ADAM32: variants seen among roughly 807,000 people sequenced by gnomAD.
ADAM32 encodes the protein disintegrin and metalloproteinase domain-containing protein 32.
In ADAM32, 89 loss-of-function variants were observed where a neutral mutation model predicts 114.9. That is an observed-to-expected ratio of 0.77 (90% CI 0.65 to 0.92). The LOEUF (loss-of-function observed/expected upper bound fraction) is 0.92. Ranked by LOEUF, ADAM32 falls within the 40% of genes least tolerant of loss-of-function variation. The probability of loss-of-function intolerance (pLI) is 0.00; values close to 1 mark genes in which losing one functional copy is unlikely to be tolerated. For synonymous variants in ADAM32, 285 were observed against 307.5 expected (o/e 0.93, Z 0.77); for missense variants, 870 against 932.8 (o/e 0.93, Z 0.88).
chr8:39,277,545 G>A (rs12679074), intron 22 of ADAM32, among the ~76,000 whole-genome samples: 32,055 of 152,074 alleles, frequency 0.21, 3,690 homozygotes, highest in East Asian at 0.29. Context: ...GGGGTGCCTC[G>A]TTTACTCAGC....
At chr8:39,237,385 TGCAAATATGA>T (rs1418898159) in intron 16 of ADAM32, among the ~76,000 whole-genome samples, 2 of 148,960 alleles carry the variant, frequency 1.3e-5, no homozygotes, top group Non-Finnish European at 3.0e-5. Context: ...GAACAAGAAG[TGCAAATATGA>T]GCACAGAAGC....
chr8:39,283,458 G>A (rs1204110413), intron 23 of ADAM32, 128 bp from the exon 24 acceptor site: 4 of 610,952 alleles, frequency 6.5e-6, no homozygotes, highest in African/African-American at 2.0e-5. Flanking sequence ...TAGAAATTTG[G>A]CAAATATTTC....
intron 23 of ADAM32, among the ~76,000 whole-genome samples, chr8:39,283,220 C>T (rs1315003205): frequency 1.3e-5 from 2 of 151,808 alleles, no homozygotes; most frequent in Non-Finnish European, 2.9e-5. Context: ...CAAGCCTGGG[C>T]AGCAAAGTGA....
intron 11 of ADAM32, among the ~76,000 whole-genome samples, chr8:39,202,033 A>G (rs901817904): frequency 6.6e-6 from 1 of 152,154 alleles, no homozygotes; most frequent in African/African-American, 2.4e-5. Context: ...GTTTGCCAGT[A>G]TTTTATTGAG....
At chr8:39,136,155 A>G (rs1384223417) in intron 2 of ADAM32, among the ~76,000 whole-genome samples, 1 of 152,210 alleles carries the variant, frequency 6.6e-6, no homozygotes, top group Non-Finnish European at 1.5e-5. Context: ...ATTGTCATCC[A>G]TATTCTAACT....
At chr8:39,170,110 T>C (rs1805099456) in intron 10 of ADAM32, 113 bp downstream of exon 10, 1 of 795,400 alleles carries the variant, frequency 1.3e-6, no homozygotes, top group Non-Finnish European at 1.9e-6. Flanking sequence ...GATTGCATTT[T>C]TTTCCATTAC....
At chr8:39,108,324 C>T (rs1840013536) in intron 1 of ADAM32, 1 of 152,120 alleles carries the variant, frequency 6.6e-6, no homozygotes, top group African/African-American at 2.4e-5. Context: ...GACCGAGTCC[C>T]TTCTGTCGCC....
At chr8:39,149,958 G>T in intron 5 of ADAM32, 91 bp downstream of exon 5, 1 of 1,011,974 alleles carries the variant, frequency 9.9e-7, no homozygotes. Flanking sequence ...GGGGTTGAAG[G>T]AGCTTTCCTA....
chr8:39,206,814 G>A (rs1027571411), intron 11 of ADAM32, among the ~76,000 whole-genome samples: 6 of 152,064 alleles, frequency 3.9e-5, no homozygotes, highest in African/African-American at 1.4e-4. Context: ...TGGAGATGCT[G>A]GAACTGTTGG....
At chr8:39,279,255 G>A (rs1356023659) in intron 22 of ADAM32, among the ~76,000 whole-genome samples, 1 of 151,994 alleles carries the variant, frequency 6.6e-6, no homozygotes, top group East Asian at 1.9e-4. Context: ...ATATTTAGGA[G>A]GGTCTTCTCA....
At chr8:39,278,281 G>A (rs1441062323) in intron 22 of ADAM32, among the ~76,000 whole-genome samples, 1 of 152,148 alleles carries the variant, frequency 6.6e-6, no homozygotes, top group African/African-American at 2.4e-5. Context: ...GCACAGAATG[G>A]GGAGGGGCAG....
At chr8:39,244,337 A>G (rs888507865) in intron 16 of ADAM32, among the ~76,000 whole-genome samples, 11 of 152,144 alleles carry the variant, frequency 7.2e-5, no homozygotes, top group African/African-American at 2.7e-4. Context: ...AACAAAAACA[A>G]AACAAAATAA....
At chr8:39,232,167 T>C in intron 15 of ADAM32, 32 bp downstream of exon 15, 1 of 1,513,420 alleles carries the variant, frequency 6.6e-7, no homozygotes, top group Non-Finnish European at 9.0e-7. Flanking sequence ...GATACTTTTC[T>C]TATATTCTAT....
rs1433880310 is a variant in ADAM32, at chr8:39,152,826, C to T, written c.525+1278C>T. The stretch of plus-strand genomic sequence containing the variant: ...ACAAAGACAATATTTCTCAACCTCC[C>T]TTACCTCTAGGTAGGGCCATGTGAC... On this transcript the variant is annotated intron_variant, in intron 6 of 24. Transcript: ENST00000379907. Among the ~76,000 whole-genome samples, 4 of 152,180 alleles carry T rather than the reference C, an allele frequency of 2.6e-5. 1 individual carries two copies. Among genetic ancestry groups the T allele is most frequent in the Admixed American group, 2.6e-4 (4 of 15,282 alleles).
chr8:39,282,649 A>G (rs1813490879), intron 23 of ADAM32, among the ~76,000 whole-genome samples: 1 of 152,068 alleles, frequency 6.6e-6, no homozygotes, highest in Non-Finnish European at 1.5e-5. Context: ...CATTTACTGT[A>G]TTTTCTTGTA....
chr8:39,144,894 T>C (rs562033627), intron 3 of ADAM32, among the ~76,000 whole-genome samples: 1 of 152,316 alleles, frequency 6.6e-6, no homozygotes, highest in East Asian at 1.9e-4. Flanking sequence ...TGACATGATC[T>C]TATATGTAGA....
intron 16 of ADAM32, among the ~76,000 whole-genome samples, chr8:39,238,679 A>G (rs1357205330): frequency 1.3e-5 from 2 of 152,194 alleles, no homozygotes; most frequent in African/African-American, 4.8e-5. Context: ...GAAATTTTTT[A>G]AAGTACAGAA....
chr8:39,212,384 G>A (rs1808285939), intron 12 of ADAM32, among the ~76,000 whole-genome samples: 1 of 152,058 alleles, frequency 6.6e-6, no homozygotes, highest in Non-Finnish European at 1.5e-5. Context: ...CCCATTTTAA[G>A]TGTACGGGTT....
At chr8:39,283,836 C>T (rs1050174400) in intron 24 of ADAM32, among the ~76,000 whole-genome samples, 6 of 142,934 alleles carry the variant, frequency 4.2e-5, no homozygotes, top group African/African-American at 1.6e-4. Flanking sequence ...TGCAATGGTG[C>T]GATCTCAGCT....
Sources: gnomAD v4.1 joint callset for allele counts (sites outside exome capture counted in the v4.1 genomes callset) on GRCh38, gnomAD v4.1.1 for gene constraint, MANE v1.5 for transcripts, NCBI Gene and HGNC (gene_info 2026-07-23, HGNC 2026-07-21) for gene names.